Variants in GRK5 observed in about 807,000 individuals in gnomAD.
GRK5 encodes the protein g protein-coupled receptor kinase GRK5.
GRK5 carries 40 observed loss-of-function variants against 78.4 expected under a neutral mutation model. The observed-to-expected ratio is 0.51, with a 90% CI of 0.40 to 0.66. The LOEUF is 0.66. GRK5 is among the 30% of genes least tolerant of loss of function. The pLI, the probability that GRK5 is intolerant of heterozygous loss-of-function variation, is 0.00. For missense variants in GRK5, 598 were observed against 759.9 expected, an observed-to-expected ratio of 0.79 and a Z score of 2.50; for synonymous variants, 289 against 296.8, an observed-to-expected ratio of 0.97 and a Z score of 0.27.
intron 1 of GRK5, among the ~76,000 whole-genome samples, chr10:119,317,670 G>T (rs147811023): frequency 6.6e-6 from 1 of 152,140 alleles, no homozygotes; most frequent in African/African-American, 2.4e-5. Context: ...CAGGCAGGAC[G>T]CAGCGACCTT....
Position 119,412,224 on chromosome 10 carries a change from A to G in GRK5, c.340-10942A>G, listed in dbSNP as rs1373902584. On this transcript the variant is annotated intron_variant, in intron 4 of 15. Coordinates refer to ENST00000392870, the MANE Select transcript of GRK5 (RefSeq NM_005308.3). This position sits in a 1 kb window ranked among gnomAD's most constrained non-coding sequence, Gnocchi z 4.3. ...TGAGCATCACCTTCCTTTGAACTCA[A>G]AAGAGGCACAGTGAGAGCCTTCCAG... Among the ~76,000 whole-genome samples the G allele has an allele frequency of 6.6e-6, 1 of 152,052 alleles. No homozygotes were observed. Among genetic ancestry groups the G allele is most frequent in the Non-Finnish European group, 1.5e-5 (1 of 67,984 alleles).
chr10:119,450,271 A>G (rs964082776), intron 13 of GRK5, among the ~76,000 whole-genome samples: 4 of 152,082 alleles, frequency 2.6e-5, no homozygotes, highest in African/African-American at 9.7e-5. Context: ...TGGGCTACCT[A>G]TTGCTATGGT....
chr10:119,380,774 T>G (rs1346010039), intron 2 of GRK5, 41 bp from the exon 3 acceptor site: 4 of 1,315,274 alleles, frequency 3.0e-6, no homozygotes, highest in Non-Finnish European at 3.3e-6. Context: ...CTGCCTGGCC[T>G]TCTCCTGGGT....
chr10:119,414,163 G>A (rs768152575), intron 4 of GRK5, among the ~76,000 whole-genome samples: 2 of 152,204 alleles, frequency 1.3e-5, no homozygotes, highest in African/African-American at 4.8e-5. Context: ...GCCTGTCCAC[G>A]TTGGGAAATT....
At chr10:119,340,990 A>G (rs1850972017) in intron 2 of GRK5, among the ~76,000 whole-genome samples, 1 of 152,074 alleles carries the variant, frequency 6.6e-6, no homozygotes, top group South Asian at 2.1e-4. Flanking sequence ...GATCCTGGTG[A>G]ACATCACCAG....
chr10:119,447,119 G>A (rs1395775113), intron 12 of GRK5, among the ~76,000 whole-genome samples: 2 of 152,234 alleles, frequency 1.3e-5, no homozygotes, highest in African/African-American at 2.4e-5. Flanking sequence ...CTGTGGTCGT[G>A]TGGCTGGCCA....
chr10:119,277,804 C>A (rs1157610401), intron 1 of GRK5, among the ~76,000 whole-genome samples: 3 of 152,144 alleles, frequency 2.0e-5, no homozygotes, highest in Non-Finnish European at 4.4e-5. Context: ...TCTGGATTTG[C>A]TTGTATTTTC....
At chr10:119,359,722 G>T (rs1168305314) in intron 2 of GRK5, among the ~76,000 whole-genome samples, 3 of 152,186 alleles carry the variant, frequency 2.0e-5, no homozygotes, top group Non-Finnish European at 4.4e-5. Context: ...TCCCCTCTTT[G>T]GTTCACACCC....
intron 1 of GRK5, among the ~76,000 whole-genome samples, chr10:119,303,205 C>A (rs139831453): frequency 1.1e-4 from 17 of 152,238 alleles, no homozygotes; most frequent in Non-Finnish European, 1.9e-4. Context: ...GCTAGTTGGA[C>A]GAGATCATGT....
intron 1 of GRK5, chr10:119,211,870 G>A (rs565749575): frequency 1.3e-5 from 2 of 152,242 alleles, no homozygotes; most frequent in Admixed American, 6.5e-5. Flanking sequence ...TCCACAGCAC[G>A]GCTGAAAGCC....
intron 15 of GRK5, among the ~76,000 whole-genome samples, chr10:119,454,456 G>A (rs191690588): frequency 7.1e-4 from 108 of 152,296 alleles, no homozygotes; most frequent in African/African-American, 2.5e-3. Flanking sequence ...CCTCCCCTCT[G>A]CAACATGAAG....
At chr10:119,408,341 C>CA (rs67973033) in intron 4 of GRK5, among the ~76,000 whole-genome samples, 14,059 of 48,672 alleles carry the variant, frequency 0.29, 2,260 homozygotes, top group East Asian at 0.59. Context: ...AACCCTGTCT[C>CA]AAAAAAAAAA....
chr10:119,240,161 C>T (rs1410239926), intron 1 of GRK5, among the ~76,000 whole-genome samples: 2 of 150,324 alleles, frequency 1.3e-5, no homozygotes, highest in East Asian at 1.9e-4. Context: ...CCTATTTCTC[C>T]ACATCCTCTC....
At chr10:119,440,708 G>A (rs1256979244) in intron 10 of GRK5, among the ~76,000 whole-genome samples, 3 of 152,026 alleles carry the variant, frequency 2.0e-5, no homozygotes, top group African/African-American at 4.8e-5. Flanking sequence ...GTGCCACCAC[G>A]CCCGGCTAAT....
rs1037155336 is a variant in GRK5, at chr10:119,448,319, C to T, written c.1404+59C>T. The T allele has an allele frequency of 5.8e-5, 88 of 1,528,140 alleles. No homozygotes were observed. The Admixed American group carries it at 1.2e-3, about 21-fold the overall frequency. The allele number at this position is 1,528,140 out of a possible 1,614,324, so 94.7% of individuals were successfully genotyped here. A position where few individuals can be genotyped will look rare whatever the true frequency, so the allele number is the denominator to read the frequency against. ...TTCACAGGGTACCCAGGGCTGCCCC[C>T]GAGTGCTGCCTCACAGTGAGCTGGT... is the stretch of plus-strand genomic sequence containing the variant. On this transcript the variant is annotated intron_variant, in intron 13 of 15. Transcript: ENST00000392870.
intron 1 of GRK5, among the ~76,000 whole-genome samples, chr10:119,278,475 C>T (rs545132921): frequency 7.9e-5 from 12 of 152,224 alleles, no homozygotes; most frequent in South Asian, 4.1e-4. Context: ...AAGAGGCAGC[C>T]GACTTTTGTG....
At chr10:119,393,471 A>G (rs1722036940) in intron 3 of GRK5, among the ~76,000 whole-genome samples, 1 of 152,252 alleles carries the variant, frequency 6.6e-6, no homozygotes, top group Non-Finnish European at 1.5e-5. Context: ...AAATAGAGCC[A>G]CCTTCACAGA....
chr10:119,274,075 G>C (rs904628322), intron 1 of GRK5, among the ~76,000 whole-genome samples: 1 of 152,208 alleles, frequency 6.6e-6, no homozygotes, highest in East Asian at 1.9e-4. Context: ...CAGCTCATTA[G>C]AGCTGGGTTT....
intron 1 of GRK5, among the ~76,000 whole-genome samples, chr10:119,270,853 G>A (rs944170901): frequency 9.9e-5 from 15 of 152,106 alleles, no homozygotes; most frequent in Admixed American, 6.5e-5. Flanking sequence ...TAGTGCAAAG[G>A]AAAAAAACTC....
Sources: gnomAD v4.1 joint callset for allele counts (sites outside exome capture counted in the v4.1 genomes callset) on GRCh38, gnomAD v4.1.1 for gene constraint, Gnocchi (gnomAD v3.1) non-coding constraint, MANE v1.5 for transcripts, NCBI Gene and HGNC (gene_info 2026-07-23, HGNC 2026-07-21) for gene names.